CEP128: variants seen among roughly 807,000 people sequenced by gnomAD.
CEP128 encodes centrosomal protein 128, also known as centrosomal protein 128kDa.
Under a neutral mutation model 156.7 loss-of-function variants are expected in CEP128, and 132 were observed. The observed-to-expected ratio is 0.84, with a 90% CI of 0.73 to 0.97. CEP128 has a LOEUF of 0.97. Ranked by LOEUF, CEP128 falls within the 50% of genes least tolerant of loss-of-function variation. CEP128 has a pLI of 0.00. For missense variants in CEP128, 1,252 were observed against 1,281.9 expected, an observed-to-expected ratio of 0.98 and a Z score of 0.36; for synonymous variants, 469 against 448.9, an observed-to-expected ratio of 1.04 and a Z score of -0.57.
At chr14:80,940,477 A>G (rs535084665) in intron 1 of CEP128, among the ~76,000 whole-genome samples, 5 of 152,292 alleles carry the variant, frequency 3.3e-5, no homozygotes, top group African/African-American at 1.2e-4. Context: ...TGTGCTATAC[A>G]TGTAAAATAC....
intron 2 of CEP128, among the ~76,000 whole-genome samples, chr14:80,938,187 G>A (rs1418665970): frequency 2.6e-5 from 4 of 151,100 alleles, no homozygotes; most frequent in African/African-American, 9.7e-5. Flanking sequence ...ATGAGTCAAT[G>A]CACCTGGCCT....
At chr14:80,484,934 G>C (rs959946853) in intron 14 of CEP128, among the ~76,000 whole-genome samples, 4 of 152,116 alleles carry the variant, frequency 2.6e-5, no homozygotes, top group African/African-American at 9.7e-5. Flanking sequence ...TCCCAAAAGG[G>C]AAAGGGTAGA....
chr14:80,791,377 A>T, intron 14 of CEP128, among the ~76,000 whole-genome samples: 1 of 152,208 alleles, frequency 6.6e-6, no homozygotes, highest in Non-Finnish European at 1.5e-5. Flanking sequence ...CTGGGAAATG[A>T]TTGTTAAACA....
At chr14:80,894,591 T>C (rs536192767) in intron 8 of CEP128, 37 of 471,836 alleles carry the variant, frequency 7.8e-5, no homozygotes, top group South Asian at 5.8e-4. Context: ...AGATACCACA[T>C]TGCCACACAT....
In CEP128 at chr14:80,796,120, T is replaced by C. The variant is rs927347961; in HGVS notation, c.1210-3010A>G. 2.6e-5 allele frequency among the ~76,000 whole-genome samples: 4 copies of C among 152,190 alleles called. 1 individual carries two copies. In the South Asian group the frequency reaches 8.3e-4, roughly 32 times the overall value. ...CCTTATTTCAGTTCACTTGGTTCACTACATCTGGTGTCCATCATACTATGA... is the reference window on the plus strand; with the variant it reads ...CCTTATTTCAGTTCACTTGGTTCACCACATCTGGTGTCCATCATACTATGA... On this transcript the variant is annotated intron_variant, in intron 13 of 24. Coordinates refer to ENST00000555265, the MANE Select transcript of CEP128 (RefSeq NM_152446.5).
chr14:80,534,951 A>G (rs1176006092), intron 21 of CEP128, among the ~76,000 whole-genome samples: 1 of 152,164 alleles, frequency 6.6e-6, no homozygotes, highest in Non-Finnish European at 1.5e-5. Context: ...AAAGGGGTTT[A>G]AAATTAGAAA....
In CEP128 at chr14:80,785,488, C is replaced by G. The variant is rs747270579; in HGVS notation, c.1618G>C (p.Glu540Gln). ...TQLYAALQQI[E>Q]NLRKELNDVL... ...TCATTCAATTCCTTTCGAAGATTCT[C>G]TATTTGTTGTAATGCTGCATACAGC... Residue 540 changes from glutamate to glutamine, a missense_variant, in exon 15 of 25, where the codon GAG becomes CAG. Transcript: ENST00000555265. The G allele has an allele frequency of 5.6e-6, 9 of 1,613,490 alleles. No individual in the cohort carries two copies. The African/African-American group carries it at 1.2e-4, about 22-fold the overall frequency.
intron 19 of CEP128, among the ~76,000 whole-genome samples, chr14:80,667,063 G>C (rs1405755742): frequency 6.6e-6 from 1 of 152,164 alleles, no homozygotes; most frequent in African/African-American, 2.4e-5. Flanking sequence ...CCAAAGATGA[G>C]CATGGCAGGA....
chr14:80,532,385 T>C (rs1198928649), intron 21 of CEP128, among the ~76,000 whole-genome samples: 1 of 152,082 alleles, frequency 6.6e-6, no homozygotes, highest in African/African-American at 2.4e-5. Flanking sequence ...GAGGAGTTCA[T>C]TATTTTCTCA....
intron 2 of CEP128, among the ~76,000 whole-genome samples, chr14:80,948,826 A>G (rs1261376015): frequency 6.6e-6 from 1 of 152,212 alleles, no homozygotes; most frequent in Non-Finnish European, 1.5e-5. Flanking sequence ...AAGTTATGCT[A>G]AGGAAAGAAA....
chr14:80,716,460 G>T (rs552721319), intron 19 of CEP128, among the ~76,000 whole-genome samples: 40 of 152,296 alleles, frequency 2.6e-4, no homozygotes, highest in African/African-American at 9.6e-4. Flanking sequence ...AGTATCTAAA[G>T]ATTTAACTGT....
chr14:80,846,524 T>A (rs1252153035), intron 9 of CEP128, among the ~76,000 whole-genome samples: 1 of 152,114 alleles, frequency 6.6e-6, no homozygotes, highest in African/African-American at 2.4e-5. Flanking sequence ...ATAAGCAAAT[T>A]GATCAACCCC....
In CEP128 at chr14:80,911,268, G is replaced by A. The variant is rs559460377; in HGVS notation, c.234+3054C>T. On this transcript the variant is annotated intron_variant, in intron 4 of 24. Transcript: ENST00000555265. ...AATCCCAGCACTTTGGGAGGCCAAG[G>A]CGGAAGGATCACTTGGGCCCCGGAG... 3.3e-5 allele frequency among the ~76,000 whole-genome samples: 5 copies of A among 152,294 alleles called. 1 individual carries two copies. Among genetic ancestry groups the A allele is most frequent in the African/African-American group, 1.2e-4 (5 of 41,560 alleles).
chr14:80,709,285 C>T (rs1255350330), intron 19 of CEP128, among the ~76,000 whole-genome samples: 1 of 151,686 alleles, frequency 6.6e-6, no homozygotes, highest in African/African-American at 2.4e-5. Flanking sequence ...ATTACAGGTG[C>T]CTGCCACCAT....
At chr14:80,633,104 G>A (rs901689994) in intron 19 of CEP128, among the ~76,000 whole-genome samples, 53 of 151,964 alleles carry the variant, frequency 3.5e-4, no homozygotes, top group African/African-American at 1.3e-3. Context: ...ATGTGTGTCT[G>A]TAGTCCCAGC....
chr14:80,912,235 C>T (rs1245440569), intron 4 of CEP128, among the ~76,000 whole-genome samples: 1 of 151,684 alleles, frequency 6.6e-6, no homozygotes, highest in Admixed American at 6.6e-5. Context: ...AAAAACTACT[C>T]CCTCAGAAAG....
chr14:80,948,492 G>C (rs931324530), intron 2 of CEP128, among the ~76,000 whole-genome samples: 1 of 152,196 alleles, frequency 6.6e-6, no homozygotes, highest in South Asian at 2.1e-4. Context: ...AAACATTTCT[G>C]TAGTTAAGCA....
At chr14:80,914,968 CATT>C (rs1392269663) in intron 3 of CEP128, among the ~76,000 whole-genome samples, 1 of 152,164 alleles carries the variant, frequency 6.6e-6, no homozygotes, top group African/African-American at 2.4e-5. Context: ...TAATGTGTCT[CATT>C]GTTGGGAAAG....
chr14:80,805,136 T>C (rs551989858), intron 13 of CEP128, among the ~76,000 whole-genome samples: 2 of 151,634 alleles, frequency 1.3e-5, no homozygotes, highest in South Asian at 2.1e-4. Flanking sequence ...AACCTCAAGG[T>C]TTATCCCAAA....
Sources: allele counts gnomAD v4.1 joint callset (sites outside exome capture counted in the v4.1 genomes callset), GRCh38; gene constraint gnomAD v4.1.1; transcripts MANE v1.5; gene names NCBI Gene and HGNC (gene_info 2026-07-23, HGNC 2026-07-21).